QTGAL: variants seen among roughly 807,000 people sequenced by gnomAD.
The protein encoded by QTGAL is BGnT-like protein 1.
the QTGAL span, chr17:82,945,024 G>A: frequency 6.6e-6 from 1 of 152,252 alleles, no homozygotes; most frequent in East Asian, 1.9e-4. Flanking sequence ...CCTGACCAGT[G>A]GTATTCCCAG....
chr17:82,994,655 CA>C, the QTGAL span, among the ~76,000 whole-genome samples: 2 of 151,988 alleles, frequency 1.3e-5, no homozygotes, highest in Admixed American at 1.3e-4. Flanking sequence ...CAAATTATTC[CA>C]AAAAATAGAG....
chr17:82,996,628 A>C, the QTGAL span, among the ~76,000 whole-genome samples: 5 of 152,202 alleles, frequency 3.3e-5, no homozygotes, highest in Admixed American at 2.0e-4. Flanking sequence ...AATTGGAGGA[A>C]TCACATTACC....
the QTGAL span, among the ~76,000 whole-genome samples, chr17:83,016,992 G>A: frequency 1.3e-5 from 2 of 152,198 alleles, no homozygotes; most frequent in African/African-American, 4.8e-5. Flanking sequence ...CTGTGGGAAA[G>A]TCTCTTGCAC....
the QTGAL span, among the ~76,000 whole-genome samples, chr17:83,051,512 G>A: frequency 1.3e-5 from 2 of 152,214 alleles, no homozygotes; most frequent in Non-Finnish European, 2.9e-5. Context: ...AGCCGGAGCT[G>A]CAGATCTCGG....
At chr17:83,045,566 AATAG>A in the QTGAL span, among the ~76,000 whole-genome samples, 10 of 152,328 alleles carry the variant, frequency 6.6e-5, no homozygotes, top group South Asian at 2.1e-4. Flanking sequence ...CAAAAGAAAT[AATAG>A]ATAAATTAGA....
chr17:82,998,929 G>C, the QTGAL span, among the ~76,000 whole-genome samples: 2 of 149,660 alleles, frequency 1.3e-5, no homozygotes, highest in African/African-American at 5.0e-5. Flanking sequence ...ATCACCACGA[G>C]ATACCACTAC....
chr17:82,989,808 AAAAC>A, the QTGAL span, among the ~76,000 whole-genome samples: 7 of 152,362 alleles, frequency 4.6e-5, no homozygotes, highest in South Asian at 2.1e-4. Context: ...TAAAATAGAA[AAAAC>A]AAACAAAAAT....
At chr17:82,946,896 G>A in the QTGAL span, 23 of 1,560,142 alleles carry the variant, frequency 1.5e-5, no homozygotes, top group African/African-American at 6.8e-5. Context: ...CAGCTGCCAT[G>A]GGTCCGTCAG....
the QTGAL span, among the ~76,000 whole-genome samples, chr17:82,958,948 G>A: frequency 3.6e-5 from 5 of 139,646 alleles, no homozygotes; most frequent in African/African-American, 1.4e-4. Context: ...TATACTGTGT[G>A]GGGGTGTATG....
chr17:83,036,115 T>C, the QTGAL span, among the ~76,000 whole-genome samples: 20 of 152,318 alleles, frequency 1.3e-4, no homozygotes, highest in African/African-American at 4.6e-4. Context: ...TTAATCTGCA[T>C]GGCCACCAAG....
the QTGAL span, among the ~76,000 whole-genome samples, chr17:82,967,549 G>A: frequency 1.5e-4 from 23 of 152,196 alleles, no homozygotes; most frequent in Admixed American, 1.5e-3. Flanking sequence ...CACTGCGGGG[G>A]TGGGGGTGCT....
At chr17:83,021,413 C>G in the QTGAL span, among the ~76,000 whole-genome samples, 1 of 149,924 alleles carries the variant, frequency 6.7e-6, no homozygotes, top group Non-Finnish European at 1.5e-5. Context: ...ATTGTTAATA[C>G]CACTTTTCAA....
chr17:82,970,720 C>G, the QTGAL span, among the ~76,000 whole-genome samples: 1 of 146,718 alleles, frequency 6.8e-6, no homozygotes, highest in Non-Finnish European at 1.5e-5. Flanking sequence ...GCCCTGGTCA[C>G]GTGGCCGAAG....
chr17:83,040,308 C>A, the QTGAL span, among the ~76,000 whole-genome samples: 1 of 152,162 alleles, frequency 6.6e-6, no homozygotes, highest in Non-Finnish European at 1.5e-5. Context: ...AACCCGTCCA[C>A]CAACTAAAAA....
the QTGAL span, chr17:83,048,661 C>T: frequency 6.2e-7 from 1 of 1,611,802 alleles, no homozygotes; most frequent in Non-Finnish European, 8.5e-7. Flanking sequence ...CAGGAAGTTC[C>T]TACAAACCTT....
chr17:83,023,904 T>C, the QTGAL span, among the ~76,000 whole-genome samples: 1 of 152,060 alleles, frequency 6.6e-6, no homozygotes, highest in Non-Finnish European at 1.5e-5. Flanking sequence ...ACAAAGGAGG[T>C]TGAAGTTGCC....
At chr17:83,025,159 ACACCGCGGAGTCCACACACG>A in the QTGAL span, among the ~76,000 whole-genome samples, 1 of 100,820 alleles carries the variant, frequency 9.9e-6, no homozygotes. Context: ...ACACACACAG[ACACCGCGGAGTCCACACACG>A]GACACCGCGG....
At chr17:82,957,095 G>T in the QTGAL span, 1 of 1,566,576 alleles carries the variant, frequency 6.4e-7, no homozygotes. Flanking sequence ...GGTGGACTCT[G>T]CCAAGGGGGA....
chr17:83,036,324 G>A, the QTGAL span, among the ~76,000 whole-genome samples: 1 of 152,220 alleles, frequency 6.6e-6, no homozygotes, highest in South Asian at 2.1e-4. Context: ...AAATTCTTCT[G>A]TGCTGTGAGA....
Sources: gnomAD v4.1 joint callset for allele counts (sites outside exome capture counted in the v4.1 genomes callset) on GRCh38, gnomAD v4.1.1 for gene constraint, MANE v1.5 for transcripts, NCBI Gene and HGNC (gene_info 2026-07-23, HGNC 2026-07-21) for gene names.